Variants in DIP2B observed in about 807,000 individuals in gnomAD.
DIP2B encodes the protein DIP2 acetate--CoA ligase B (putative).
Under a neutral mutation model 198.0 loss-of-function variants are expected in DIP2B, and 76 were observed. The observed-to-expected ratio is 0.38, with a 90% CI of 0.32 to 0.46. The LOEUF (loss-of-function observed/expected upper bound fraction) is 0.46, where lower values mean the gene tolerates loss of function less well. Among genes scored for constraint, DIP2B ranks in the 20% least tolerant of loss-of-function variants. DIP2B has a pLI of 0.99. For missense variants in DIP2B, 1,559 were observed against 1,978.4 expected (o/e 0.79, Z 4.02); for synonymous variants, 701 against 739.1 (o/e 0.95, Z 0.84).
intron 1 of DIP2B, among the ~76,000 whole-genome samples, chr12:50,574,416 A>T (rs1958640407): frequency 6.6e-6 from 1 of 152,226 alleles, no homozygotes; most frequent in South Asian, 2.1e-4. Context: ...GTTAGAGCCA[A>T]ATTGGTTTGC....
At chr12:50,670,283 G>A (rs1043264594) in intron 4 of DIP2B, among the ~76,000 whole-genome samples, 1 of 152,056 alleles carries the variant, frequency 6.6e-6, no homozygotes, top group African/African-American at 2.4e-5. Flanking sequence ...CTCCTGTCAT[G>A]CTTGGAAAGC....
intron 4 of DIP2B, among the ~76,000 whole-genome samples, chr12:50,665,181 G>A (rs1478857205): frequency 6.6e-6 from 1 of 151,954 alleles, no homozygotes; most frequent in African/African-American, 2.4e-5. Flanking sequence ...GCAACAGATT[G>A]GGATATTATC....
rs5798141 is a variant in DIP2B, at chr12:50,507,914, C to CT, written c.100+2685dup. On this transcript the variant is annotated intron_variant, in intron 1 of 37. Coordinates refer to ENST00000301180, the MANE Select transcript of DIP2B (RefSeq NM_173602.3). The stretch of plus-strand genomic sequence containing the variant: ...ATTTTCATTTTTTCTTTCTTTCTCT[C>CT]TTTTTTTTTTTAAGGTTCAGCCTGT... Among the ~76,000 whole-genome samples, 110 of 148,720 alleles carry CT rather than the reference C, an allele frequency of 7.4e-4. No homozygotes were observed. In the East Asian group the frequency reaches 0.012, roughly 16 times the overall value.
At position 50,748,017 on chromosome 12, in the gene DIP2B, C is replaced by T. The variant is rs1940363353; in HGVS notation, c.*3178C>T. 6.6e-6 allele frequency: 1 copy of T among 152,650 alleles called. No individual in the cohort carries two copies. Among genetic ancestry groups the T allele is most frequent in the South Asian group, 2.1e-4 (1 of 4,830 alleles). 9.5% of individuals were successfully genotyped at this position (152,650 alleles called of 1,614,324 possible). On this transcript the variant is annotated 3_prime_UTR_variant, in exon 38 of 38. Coordinates refer to ENST00000301180, the MANE Select transcript of DIP2B (RefSeq NM_173602.3). The stretch of plus-strand genomic sequence containing the variant: ...TGTGTTGCCTCAGGCTGTTTAGGGA[C>T]CATTGCCTGTCTTGGTCACATGAGT...
intron 7 of DIP2B, among the ~76,000 whole-genome samples, chr12:50,678,379 C>T (rs144529985): frequency 6.6e-6 from 1 of 152,144 alleles, no homozygotes; most frequent in East Asian, 1.9e-4. Context: ...AACAAATTTG[C>T]TAAAAATTGT....
In DIP2B at chr12:50,731,409, G is replaced by A; in HGVS notation, c.3682G>A (p.Glu1228Lys). 1.2e-6 allele frequency: 2 copies of A among 1,614,112 alleles called. No individual in the cohort carries two copies. Among genetic ancestry groups the A allele is most frequent in the Admixed American group, 1.7e-5 (1 of 60,020 alleles). ...GHQSVLIPPM[E>K]LENNLFLWLS... ...CCAGTCTGTCTTAATTCCTCCTATGGAGTTAGAGAACAACCTTTTCCTCTG... is the reference window on the plus strand; with the variant it reads ...CCAGTCTGTCTTAATTCCTCCTATGAAGTTAGAGAACAACCTTTTCCTCTG... The change falls in exon 31 of 38, where the codon GAG (glutamate) becomes AAG (lysine). Residue 1228 changes from glutamate (E) to lysine (K), a missense_variant. Transcript: ENST00000301180.
intron 3 of DIP2B, among the ~76,000 whole-genome samples, chr12:50,658,112 A>C (rs1244869240): frequency 6.6e-6 from 1 of 151,910 alleles, no homozygotes; most frequent in Non-Finnish European, 1.5e-5. Flanking sequence ...GAAAGAAAAA[A>C]AAGAAAAACA....
chr12:50,587,978 A>G (rs1282369595), intron 1 of DIP2B, among the ~76,000 whole-genome samples: 3 of 152,174 alleles, frequency 2.0e-5, no homozygotes, highest in Non-Finnish European at 4.4e-5. Context: ...TGCTTTTATA[A>G]AAATATATAG....
At chr12:50,533,039 G>A (rs1958232579) in intron 1 of DIP2B, among the ~76,000 whole-genome samples, 2 of 152,352 alleles carry the variant, frequency 1.3e-5, no homozygotes, top group African/African-American at 4.8e-5. Flanking sequence ...GTGCTTAACA[G>A]CAAAGGTAGT....
At chr12:50,682,365 C>T (rs189404954) in intron 9 of DIP2B, among the ~76,000 whole-genome samples, 9 of 152,230 alleles carry the variant, frequency 5.9e-5, no homozygotes, top group Admixed American at 5.9e-4. Flanking sequence ...GTGGCTCACG[C>T]CTGCAATCCC....
chr12:50,518,505 G>A (rs958991645), intron 1 of DIP2B, among the ~76,000 whole-genome samples: 12 of 152,120 alleles, frequency 7.9e-5, no homozygotes, highest in Admixed American at 1.3e-4. Flanking sequence ...CACAACGCCC[G>A]GCCCTTGGGC....
intron 14 of DIP2B, among the ~76,000 whole-genome samples, chr12:50,693,853 T>A (rs902463357): frequency 2.0e-5 from 3 of 152,174 alleles, no homozygotes; most frequent in Non-Finnish European, 4.4e-5. Flanking sequence ...CTTGCAGTAG[T>A]ATCTTGGTTT....
intron 1 of DIP2B, among the ~76,000 whole-genome samples, chr12:50,587,371 C>G (rs1478469521): frequency 6.6e-6 from 1 of 152,126 alleles, no homozygotes; most frequent in African/African-American, 2.4e-5. Flanking sequence ...CTATATGGAC[C>G]TTATTAAGAT....
At chr12:50,643,897 CAT>C (rs1255870963) in intron 3 of DIP2B, among the ~76,000 whole-genome samples, 1 of 152,228 alleles carries the variant, frequency 6.6e-6, no homozygotes, top group Admixed American at 6.5e-5. Context: ...ATTTACATGT[CAT>C]GTGCAAAAAT....
intron 5 of DIP2B, among the ~76,000 whole-genome samples, chr12:50,673,524 C>T (rs183997995): frequency 3.3e-5 from 5 of 152,236 alleles, no homozygotes; most frequent in Admixed American, 6.5e-5. Flanking sequence ...TGGTGGCACA[C>T]GCCTGTAATC....
At chr12:50,722,864 C>A (rs1038385539) in intron 26 of DIP2B, among the ~76,000 whole-genome samples, 2 of 152,212 alleles carry the variant, frequency 1.3e-5, no homozygotes, top group African/African-American at 4.8e-5. Context: ...CCTCTCCTTT[C>A]TCCATTCTTT....
intron 22 of DIP2B, 124 bp downstream of exon 22, chr12:50,708,686 G>A: frequency 1.4e-6 from 1 of 718,926 alleles, no homozygotes; most frequent in Admixed American, 2.5e-5. Context: ...CACATACTCT[G>A]GGTACTACTA....
intron 27 of DIP2B, among the ~76,000 whole-genome samples, chr12:50,723,979 A>G (rs570648617): frequency 6.6e-5 from 10 of 152,206 alleles, no homozygotes; most frequent in African/African-American, 1.9e-4. Context: ...AGAAAATAAG[A>G]TAAGTGTGTA....
chr12:50,640,009 A>G lies in DIP2B; in HGVS notation c.173-715A>G, dbSNP rs781371748. ...AGATTAGTAAGTTCTGCTTTATAAC[A>G]TCGTGCCTTATTAATACTAATAAGA... On this transcript the variant is annotated intron_variant, in intron 2 of 37. Coordinates refer to ENST00000301180, the MANE Select transcript of DIP2B (RefSeq NM_173602.3). 2.6e-5 allele frequency among the ~76,000 whole-genome samples: 4 copies of G among 152,268 alleles called. 1 individual carries two copies. In the South Asian group the frequency reaches 8.3e-4, roughly 32 times the overall value.
Sources: allele counts gnomAD v4.1 joint callset (sites outside exome capture counted in the v4.1 genomes callset), GRCh38; gene constraint gnomAD v4.1.1; transcripts MANE v1.5; gene names NCBI Gene and HGNC (gene_info 2026-07-23, HGNC 2026-07-21).